LEKR1: variants seen among roughly 807,000 people sequenced by gnomAD.
LEKR1 encodes the protein protein LEKR1.
A neutral mutation model predicts 72.4 loss-of-function variants in LEKR1; 59 were observed. That is an observed-to-expected ratio of 0.82 (90% CI 0.66 to 1.01). The LOEUF (loss-of-function observed/expected upper bound fraction) is 1.01, where lower values mean the gene tolerates loss of function less well. LEKR1 is among the 50% of genes least tolerant of loss of function. LEKR1 has a pLI of 0.00. For synonymous variants in LEKR1, 257 were observed against 263.2 expected (o/e 0.98, Z 0.23); for missense variants, 728 against 759.2 (o/e 0.96, Z 0.48).
chr3:156,863,928 G>C (rs1029268926), intron 3 of LEKR1, among the ~76,000 whole-genome samples: 7 of 151,952 alleles, frequency 4.6e-5, no homozygotes, highest in Non-Finnish European at 8.8e-5. Context: ...ACTCAACCAG[G>C]GTTGGTTGAG....
At chr3:156,857,790 A>G (rs1232599160) in intron 3 of LEKR1, among the ~76,000 whole-genome samples, 2 of 152,210 alleles carry the variant, frequency 1.3e-5, no homozygotes, top group Non-Finnish European at 2.9e-5. Context: ...AATGCTGCTA[A>G]TATTTTACAT....
intron 3 of LEKR1, among the ~76,000 whole-genome samples, chr3:156,892,464 C>T (rs1173744114): frequency 6.6e-6 from 1 of 152,086 alleles, no homozygotes; most frequent in East Asian, 1.9e-4. Context: ...TCCAAGGGAC[C>T]CATAACACTG....
chr3:156,944,295 G>T (rs1475073046), intron 6 of LEKR1, among the ~76,000 whole-genome samples: 1 of 151,606 alleles, frequency 6.6e-6, no homozygotes, highest in Non-Finnish European at 1.5e-5. Flanking sequence ...CATAGTAGGG[G>T]TATATATTTA....
chr3:156,887,812 A>G (rs954467293), intron 3 of LEKR1, among the ~76,000 whole-genome samples: 3 of 152,172 alleles, frequency 2.0e-5, no homozygotes, highest in Non-Finnish European at 4.4e-5. Flanking sequence ...TTAACATTTT[A>G]TAAAAATTTA....
intron 10 of LEKR1, among the ~76,000 whole-genome samples, chr3:157,018,298 A>T (rs1015312792): frequency 1.3e-5 from 2 of 152,200 alleles, no homozygotes; most frequent in Non-Finnish European, 2.9e-5. Flanking sequence ...TTATTAACAG[A>T]TATATTGAAC....
chr3:156,856,702 T>A (rs2108540061), intron 3 of LEKR1, among the ~76,000 whole-genome samples: 1 of 152,270 alleles, frequency 6.6e-6, no homozygotes, highest in African/African-American at 2.4e-5. Context: ...GGGAAAGATG[T>A]CTTTTTATTA....
intron 3 of LEKR1, among the ~76,000 whole-genome samples, chr3:156,907,082 T>G (rs1351104857): frequency 6.6e-6 from 1 of 152,098 alleles, no homozygotes; most frequent in Non-Finnish European, 1.5e-5. Flanking sequence ...TGTCTGGGCT[T>G]TTTAAAACAA....
At position 156,998,228 on chromosome 3, in the gene LEKR1, G is replaced by A. The variant is rs149835536; in HGVS notation, c.1109+4951G>A. On this transcript the variant is annotated intron_variant, in intron 9 of 12. Transcript: ENST00000356539. The stretch of plus-strand genomic sequence containing the variant: ...TCAGGCATATTGTGGGTTAAAAAGT[G>A]TCCTGTTGGCTGACAGGGGCACCTA... Among the ~76,000 whole-genome samples the A allele has an allele frequency of 5.7e-3, 862 of 152,236 alleles. 4 individuals are homozygous for A. The highest frequency in any genetic ancestry group is 0.02 in the African/African-American group (811 of 41,518).
intron 3 of LEKR1, among the ~76,000 whole-genome samples, chr3:156,894,694 T>C (rs534233386): frequency 6.6e-6 from 1 of 152,160 alleles, no homozygotes; most frequent in South Asian, 2.1e-4. Context: ...CAGAAACAGA[T>C]ACATAAACCA....
rs78543925 is a variant in LEKR1, at chr3:156,830,345, C to T, written c.48+968C>T. 3.3e-5 allele frequency among the ~76,000 whole-genome samples: 5 copies of T among 152,248 alleles called. No individual in the cohort carries two copies. The East Asian group carries it at 9.7e-4, about 29-fold the overall frequency. Reference sequence around the variant, plus strand: ...ATAAGCTTTGGATAACAACAAAGGACACATTTAGCATGCCACTACCTGATG... The same window carrying T: ...ATAAGCTTTGGATAACAACAAAGGATACATTTAGCATGCCACTACCTGATG... On this transcript the variant is annotated intron_variant, in intron 2 of 12. Coordinates refer to ENST00000356539, the MANE Select transcript of LEKR1 (RefSeq NM_001004316.3).
At chr3:157,022,117 G>C (rs1034219737) in intron 10 of LEKR1, among the ~76,000 whole-genome samples, 1 of 152,118 alleles carries the variant, frequency 6.6e-6, no homozygotes, top group Non-Finnish European at 1.5e-5. Flanking sequence ...AGGCAGCAAA[G>C]CGAGATGGAA....
intron 3 of LEKR1, among the ~76,000 whole-genome samples, chr3:156,913,600 T>A (rs1281831639): frequency 6.6e-6 from 1 of 152,278 alleles, no homozygotes; most frequent in African/African-American, 2.4e-5. Context: ...TAGCTAAGGA[T>A]AGAGAGTGGT....
chr3:156,876,295 A>G (rs968695858), intron 3 of LEKR1, among the ~76,000 whole-genome samples: 1 of 151,988 alleles, frequency 6.6e-6, no homozygotes, highest in East Asian at 1.9e-4. Context: ...TTTTGCCTAG[A>G]CTGGCTTTAG....
intron 3 of LEKR1, among the ~76,000 whole-genome samples, chr3:156,907,875 C>T (rs1469740601): frequency 6.6e-6 from 1 of 151,934 alleles, no homozygotes; most frequent in African/African-American, 2.4e-5. Flanking sequence ...ACCTGGAATT[C>T]CACATTGCAG....
At chr3:157,011,909 G>T (rs1732921287) in intron 10 of LEKR1, among the ~76,000 whole-genome samples, 1 of 151,806 alleles carries the variant, frequency 6.6e-6, no homozygotes, top group African/African-American at 2.4e-5. Context: ...GAATTATTTG[G>T]TTTTGGACTT....
intron 9 of LEKR1, among the ~76,000 whole-genome samples, chr3:156,997,898 T>C (rs1731706524): frequency 6.6e-6 from 1 of 152,192 alleles, no homozygotes; most frequent in Non-Finnish European, 1.5e-5. Context: ...CACACTCAGC[T>C]GAGGAAGTGA....
chr3:156,917,517 C>T (rs1045481762), intron 3 of LEKR1, among the ~76,000 whole-genome samples: 1 of 151,926 alleles, frequency 6.6e-6, no homozygotes, highest in East Asian at 1.9e-4. Context: ...GGGTGGGGGG[C>T]CCACCATATA....
At chr3:156,912,744 G>T (rs2108569162) in intron 3 of LEKR1, among the ~76,000 whole-genome samples, 1 of 152,292 alleles carries the variant, frequency 6.6e-6, no homozygotes, top group East Asian at 1.9e-4. Flanking sequence ...ATAGAATCAG[G>T]CGTGGCTTCC....
chr3:156,895,624 A>G (rs1370630056), intron 3 of LEKR1, among the ~76,000 whole-genome samples: 2 of 152,146 alleles, frequency 1.3e-5, no homozygotes, highest in African/African-American at 2.4e-5. Context: ...AAAAAAACAA[A>G]AACAGAAACA....
Sources: gnomAD v4.1 joint callset for allele counts (sites outside exome capture counted in the v4.1 genomes callset) on GRCh38, gnomAD v4.1.1 for gene constraint, MANE v1.5 for transcripts, NCBI Gene and HGNC (gene_info 2026-07-23, HGNC 2026-07-21) for gene names.